The following FAM163A variants were observed in gnomAD, a reference collection of about 807,000 sequenced individuals.
FAM163A encodes protein FAM163A.
A neutral mutation model predicts 12.0 loss-of-function variants in FAM163A; 7 were observed. The ratio of observed to expected loss-of-function variants is 0.58; its 90% CI spans 0.33 to 1.10. The LOEUF is 1.10. Among genes scored for constraint, FAM163A ranks in the 50% least tolerant of loss-of-function variants. The pLI is 0.03. For missense variants in FAM163A, 202 were observed against 218.6 expected (o/e 0.92, Z 0.48); for synonymous variants, 101 against 91.0 (o/e 1.11, Z -0.62).
At chr1:179,735,665 G>A in the FAM163A span, among the ~76,000 whole-genome samples, 2 of 151,632 alleles carry the variant, frequency 1.3e-5, no homozygotes, top group Admixed American at 6.6e-5. Context: ...CACCAAGCCC[G>A]GCTAATTTTT....
intron 1 of FAM163A, among the ~76,000 whole-genome samples, chr1:179,766,859 G>T (rs576053772): frequency 5.1e-4 from 78 of 151,958 alleles, no homozygotes; most frequent in African/African-American, 1.8e-3. Context: ...GGGTTCAAGC[G>T]ATTCTCCTGC....
In FAM163A at chr1:179,814,368, G is replaced by T; in HGVS notation, c.*179G>T. ...TTGAGTGCATTGAGAACCAAGACAG[G>T]GCCTGGCTCCAACTCTGTGGGCCAG... On this transcript the variant is annotated 3_prime_UTR_variant, in exon 5 of 5. Coordinates refer to ENST00000341785, the MANE Select transcript of FAM163A (RefSeq NM_173509.3). The T allele has an allele frequency of 1.2e-6, 1 of 825,682 alleles. No individual in the cohort carries two copies. Among genetic ancestry groups the T allele is most frequent in the Non-Finnish European group, 1.8e-6 (1 of 554,770 alleles). The allele number at this position is 825,682 out of a possible 1,614,324, so 51.1% of individuals were successfully genotyped here.
chr1:179,814,548 A>C lies in FAM163A; in HGVS notation c.*359A>C. 5.0e-6 allele frequency: 1 copy of C among 199,968 alleles called. No individual in the cohort carries two copies. Among genetic ancestry groups the C allele is most frequent in the East Asian group, 1.3e-4 (1 of 7,506 alleles). The allele number at this position is 199,968 out of a possible 1,614,324, so 12.4% of individuals were successfully genotyped here. A position where few individuals can be genotyped will look rare whatever the true frequency, so the allele number is the denominator to read the frequency against. On this transcript the variant is annotated 3_prime_UTR_variant, in exon 5 of 5. Coordinates refer to ENST00000341785, the MANE Select transcript of FAM163A (RefSeq NM_173509.3). ...AAGGAGCACCAGGGAAAGCTCAGCAAAGGCTCAGGAGGCCTCCCGGGTCCT... is the reference window on the plus strand; with the variant it reads ...AAGGAGCACCAGGGAAAGCTCAGCACAGGCTCAGGAGGCCTCCCGGGTCCT...
At chr1:179,731,726 T>C in the FAM163A span, among the ~76,000 whole-genome samples, 3 of 152,330 alleles carry the variant, frequency 2.0e-5, no homozygotes, top group East Asian at 5.8e-4. Flanking sequence ...ATGTAGCCTG[T>C]TTATTACTAG....
At chr1:179,752,600 A>G (rs998924793) in intron 1 of FAM163A, among the ~76,000 whole-genome samples, 3 of 152,220 alleles carry the variant, frequency 2.0e-5, no homozygotes, top group African/African-American at 7.2e-5. Context: ...ATAAAATTCA[A>G]TAGCAAAACA....
chr1:179,808,582 A>G (rs1360314261), intron 2 of FAM163A, among the ~76,000 whole-genome samples: 1 of 152,276 alleles, frequency 6.6e-6, no homozygotes, highest in Admixed American at 6.5e-5. Flanking sequence ...AACTTTCAGT[A>G]TCAAAACTAT....
Position 179,814,467 on chromosome 1 carries a change from C to T in FAM163A, c.*278C>T, listed in dbSNP as rs955439914. On this transcript the variant is annotated 3_prime_UTR_variant, in exon 5 of 5. Transcript: ENST00000341785. ...TGGGACACTCCTCTGGCAGCCCCAG[C>T]ACCACCACAACCCCTTGCAGTGTGC... is the stretch of plus-strand genomic sequence containing the variant. The T allele has an allele frequency of 2.2e-6, 1 of 453,642 alleles. No homozygotes were observed. Among genetic ancestry groups the T allele is most frequent in the Non-Finnish European group, 3.9e-6 (1 of 255,674 alleles). 28.1% of individuals were successfully genotyped at this position (453,642 alleles called of 1,614,324 possible). A position where few individuals can be genotyped will look rare whatever the true frequency, so the allele number is the denominator to read the frequency against.
At chr1:179,759,449 AG>A (rs1315742538) in intron 1 of FAM163A, among the ~76,000 whole-genome samples, 1 of 152,204 alleles carries the variant, frequency 6.6e-6, no homozygotes, top group Non-Finnish European at 1.5e-5. Context: ...CTATGAAGCA[AG>A]GTCACGTGGA....
chr1:179,787,424 C>T (rs1690793558), intron 1 of FAM163A, among the ~76,000 whole-genome samples: 1 of 152,194 alleles, frequency 6.6e-6, no homozygotes, highest in Non-Finnish European at 1.5e-5. Flanking sequence ...AAGGCATAGC[C>T]CCTGCCCCGA....
chr1:179,745,534 G>A (rs1684351423), intron 1 of FAM163A, among the ~76,000 whole-genome samples: 1 of 152,176 alleles, frequency 6.6e-6, no homozygotes, highest in South Asian at 2.1e-4. Context: ...GAGAAGTTGG[G>A]AATCTTCTGG....
chr1:179,810,246 G>A (rs994962655), intron 2 of FAM163A, among the ~76,000 whole-genome samples: 17 of 152,148 alleles, frequency 1.1e-4, no homozygotes, highest in African/African-American at 3.9e-4. Context: ...ACCATGAAGG[G>A]CATTGCAATA....
chr1:179,779,611 T>C, intron 1 of FAM163A, among the ~76,000 whole-genome samples: 1 of 152,242 alleles, frequency 6.6e-6, no homozygotes, highest in African/African-American at 2.4e-5. Context: ...AGCATGATCT[T>C]GGCTTTCTAG....
intron 1 of FAM163A, among the ~76,000 whole-genome samples, chr1:179,767,842 T>A (rs1687719446): frequency 6.6e-6 from 1 of 152,158 alleles, no homozygotes; most frequent in African/African-American, 2.4e-5. Context: ...TTTTAAAAAA[T>A]TTATTGTGGT....
chr1:179,754,905 G>C (rs533978007), intron 1 of FAM163A, among the ~76,000 whole-genome samples: 91 of 152,332 alleles, frequency 6.0e-4, no homozygotes, highest in African/African-American at 2.0e-3. Flanking sequence ...GGAAGGCCAA[G>C]GCGGGCAGAT....
the FAM163A span, among the ~76,000 whole-genome samples, chr1:179,737,458 A>G: frequency 1.6e-4 from 25 of 152,346 alleles, no homozygotes; most frequent in Admixed American, 4.6e-4. Flanking sequence ...ATAGTTAACA[A>G]TGCTGGACTG....
At chr1:179,752,601 T>C (rs1251177288) in intron 1 of FAM163A, among the ~76,000 whole-genome samples, 3 of 152,028 alleles carry the variant, frequency 2.0e-5, no homozygotes, top group Admixed American at 6.6e-5. Flanking sequence ...TAAAATTCAA[T>C]AGCAAAACAC....
intron 1 of FAM163A, among the ~76,000 whole-genome samples, chr1:179,787,298 AC>A (rs1690772978): frequency 6.6e-6 from 1 of 152,092 alleles, no homozygotes; most frequent in South Asian, 2.1e-4. Flanking sequence ...TATTCCTGAG[AC>A]CTGCTTGATC....
At chr1:179,805,170 C>T (rs1427039270) in intron 1 of FAM163A, among the ~76,000 whole-genome samples, 1 of 152,112 alleles carries the variant, frequency 6.6e-6, no homozygotes, top group African/African-American at 2.4e-5. Context: ...ATCCAGTCTT[C>T]GGTGATAGCC....
chr1:179,769,566 A>G (rs1409436003), intron 1 of FAM163A, among the ~76,000 whole-genome samples: 1 of 152,222 alleles, frequency 6.6e-6, no homozygotes, highest in South Asian at 2.1e-4. Context: ...ACTATTATCA[A>G]TTGTAAGCTC....
Sources: allele counts gnomAD v4.1 joint callset (sites outside exome capture counted in the v4.1 genomes callset), GRCh38; gene constraint gnomAD v4.1.1; transcripts MANE v1.5; gene names NCBI Gene and HGNC (gene_info 2026-07-23, HGNC 2026-07-21).